The following MAN1C1 variants were observed in gnomAD, a reference collection of about 807,000 sequenced individuals.
MAN1C1 encodes mannosyl-oligosaccharide 1,2-alpha-mannosidase IC.
MAN1C1 carries 49 observed loss-of-function variants against 71.5 expected under a neutral mutation model. The observed-to-expected ratio is 0.69, with a 90% CI of 0.54 to 0.87. MAN1C1 has a LOEUF of 0.87. Ranked by LOEUF, MAN1C1 falls within the 40% of genes least tolerant of loss-of-function variation. MAN1C1 has a pLI of 0.00. For missense variants in MAN1C1, 743 were observed against 835.0 expected (o/e 0.89, Z 1.36); for synonymous variants, 352 against 343.7 (o/e 1.02, Z -0.27).
chr1:25,765,997 G>T (rs2047421800), intron 7 of MAN1C1, among the ~76,000 whole-genome samples: 1 of 152,230 alleles, frequency 6.6e-6, no homozygotes. Flanking sequence ...TTAATTGCGA[G>T]ACCTGACTGG....
chr1:25,666,640 C>G (rs1033148675), intron 1 of MAN1C1, among the ~76,000 whole-genome samples: 4 of 152,210 alleles, frequency 2.6e-5, no homozygotes, highest in Admixed American at 6.5e-5. Context: ...GGCAGCTGAG[C>G]CGACATCGTT....
chr1:25,674,322 T>TCGTG (rs1266489002), intron 1 of MAN1C1, among the ~76,000 whole-genome samples: 1 of 152,198 alleles, frequency 6.6e-6, no homozygotes, highest in African/African-American at 2.4e-5. Context: ...AGAGGTTGCC[T>TCGTG]CGTGTTGTCA....
At position 25,631,207 on chromosome 1, in the gene MAN1C1, G is replaced by A. The variant is rs531362654; in HGVS notation, c.540+12870G>A. ...GGTCTCAAACTCCTGAGCTTAGGCA[G>A]TCCACCCGCCTCAGCCTCCCAAAGT... On this transcript the variant is annotated intron_variant, in intron 1 of 11. Coordinates refer to ENST00000374332, the MANE Select transcript of MAN1C1 (RefSeq NM_020379.4). This position sits in a 1 kb window ranked among gnomAD's most constrained non-coding sequence, Gnocchi z 4.2. 3.9e-5 allele frequency among the ~76,000 whole-genome samples: 6 copies of A among 152,116 alleles called. No individual in the cohort carries two copies. In the South Asian group the frequency reaches 1.2e-3, roughly 32 times the overall value.
At chr1:25,748,509 G>A (rs2047169033) in intron 3 of MAN1C1, among the ~76,000 whole-genome samples, 3 of 152,284 alleles carry the variant, frequency 2.0e-5, no homozygotes, top group African/African-American at 2.4e-5. Flanking sequence ...CACCCTGCAC[G>A]GGAGGGGTTG....
intron 2 of MAN1C1, among the ~76,000 whole-genome samples, chr1:25,697,243 A>G (rs2046381862): frequency 6.6e-6 from 1 of 151,982 alleles, no homozygotes; most frequent in Admixed American, 6.5e-5. Flanking sequence ...CTGTCTCTGT[A>G]TAGATTTGCC....
intron 1 of MAN1C1, 59 bp downstream of exon 1, chr1:25,618,396 C>G (rs1447005797): frequency 6.7e-7 from 1 of 1,492,940 alleles, no homozygotes; most frequent in East Asian, 2.5e-5. Context: ...AGAGAAGACC[C>G]TCTGGCGCTC....
At chr1:25,660,517 C>T (rs1425030212) in intron 1 of MAN1C1, among the ~76,000 whole-genome samples, 8 of 150,932 alleles carry the variant, frequency 5.3e-5, no homozygotes, top group East Asian at 2.0e-4. Flanking sequence ...CTCAGCCTCC[C>T]GAATAGCTGG....
At chr1:25,639,371 A>G (rs770545237) in intron 1 of MAN1C1, among the ~76,000 whole-genome samples, 1 of 152,172 alleles carries the variant, frequency 6.6e-6, no homozygotes, top group Admixed American at 6.5e-5. Context: ...TCTGCTGAGT[A>G]TGGGTCACAG....
intron 1 of MAN1C1, among the ~76,000 whole-genome samples, chr1:25,668,840 G>A (rs2045958690): frequency 6.6e-6 from 1 of 152,102 alleles, no homozygotes; most frequent in African/African-American, 2.4e-5. Context: ...TTACAGGCGT[G>A]AGCCACCGCA....
rs904553164 is a variant in MAN1C1, at chr1:25,781,050, A to G, written c.1588A>G (p.Met530Val). ...CCGGCCAGAGGTGGTGGAGAGCTAC[A>G]TGTACCTGTGGCGACAGACCCACAA... ...ILRPEVVESY[M>V]YLWRQTHNPI... is the part of the protein sequence containing the mutation. Residue 530 changes from methionine (M) to valine (V), a missense_variant, in exon 10 of 12, where the codon ATG becomes GTG. Physicochemically the swap from Met to Val is conservative, Grantham distance 21. Coordinates refer to ENST00000374332, the MANE Select transcript of MAN1C1 (RefSeq NM_020379.4). 3.1e-6 allele frequency: 5 copies of G among 1,613,938 alleles called. No homozygotes were observed. Among genetic ancestry groups the G allele is most frequent in the East Asian group, 2.2e-5 (1 of 44,882 alleles).
At chr1:25,710,484 A>G (rs1226793835) in intron 2 of MAN1C1, among the ~76,000 whole-genome samples, 1 of 152,268 alleles carries the variant, frequency 6.6e-6, no homozygotes, top group African/African-American at 2.4e-5. Context: ...GCTAACATTT[A>G]TTGAACATGT....
At chr1:25,760,891 T>C (rs1450390297) in intron 6 of MAN1C1, 1 of 152,286 alleles carries the variant, frequency 6.6e-6, no homozygotes, top group African/African-American at 2.4e-5. Flanking sequence ...CTCACCTTCA[T>C]AGCCCCAAAG....
rs2045382022 is a variant in MAN1C1 at position 25,631,590 on chromosome 1, G to A, written c.540+13253G>A. Among the ~76,000 whole-genome samples the A allele has an allele frequency of 1.3e-5, 2 of 152,126 alleles. No homozygotes were observed. Among genetic ancestry groups the A allele is most frequent in the Non-Finnish European group, 2.9e-5 (2 of 68,026 alleles). ...TAGACCATCCCTGCATCCCTGCTAT[G>A]AAACCCACTTGATCATGGTGTATTA... On this transcript the variant is annotated intron_variant, in intron 1 of 11. Coordinates refer to ENST00000374332, the MANE Select transcript of MAN1C1 (RefSeq NM_020379.4). The surrounding 1 kb of genome is among the most constrained non-coding windows in gnomAD (Gnocchi z 4.2).
chr1:25,664,778 C>G (rs191926933), intron 1 of MAN1C1, among the ~76,000 whole-genome samples: 1 of 152,168 alleles, frequency 6.6e-6, no homozygotes, highest in African/African-American at 2.4e-5. Context: ...GGGGAAGACT[C>G]GCTGGGCGGG....
At chr1:25,740,773 C>A (rs1322766546) in intron 2 of MAN1C1, among the ~76,000 whole-genome samples, 1 of 151,872 alleles carries the variant, frequency 6.6e-6, no homozygotes, top group African/African-American at 2.4e-5. Context: ...GGCTGCAACG[C>A]TGAGGACAGA....
At chr1:25,681,837 G>A (rs2046159208) in intron 1 of MAN1C1, among the ~76,000 whole-genome samples, 1 of 151,960 alleles carries the variant, frequency 6.6e-6, no homozygotes, top group African/African-American at 2.4e-5. Flanking sequence ...ATCCTAGTGG[G>A]ACTAATAGGT....
intron 1 of MAN1C1, chr1:25,646,452 CAT>C (rs937644974): frequency 1.3e-5 from 2 of 152,290 alleles, no homozygotes; most frequent in African/African-American, 2.4e-5. Flanking sequence ...ATACATATAA[CAT>C]AAAAATATAT....
At chr1:25,714,218 T>C (rs1025018026) in intron 2 of MAN1C1, among the ~76,000 whole-genome samples, 14 of 152,224 alleles carry the variant, frequency 9.2e-5, no homozygotes, top group African/African-American at 3.4e-4. Context: ...AGCAATCCAT[T>C]CCCAGGGTAA....
intron 1 of MAN1C1, among the ~76,000 whole-genome samples, chr1:25,681,150 C>T (rs767684047): frequency 4.6e-5 from 7 of 151,408 alleles, no homozygotes; most frequent in Non-Finnish European, 8.8e-5. Flanking sequence ...CGCTTGAACC[C>T]GGCAGGTGGA....
Sources: allele counts gnomAD v4.1 joint callset (sites outside exome capture counted in the v4.1 genomes callset), GRCh38; gene constraint gnomAD v4.1.1; non-coding constraint Gnocchi (gnomAD v3.1); transcripts MANE v1.5; gene names NCBI Gene and HGNC (gene_info 2026-07-23, HGNC 2026-07-21).